DNAJB6: variants seen among roughly 807,000 people sequenced by gnomAD.
The protein encoded by DNAJB6 is DnaJ heat shock protein family (Hsp40) member B6, also known as dnaJ homolog subfamily B member 6.
DNAJB6 carries 16 observed loss-of-function variants against 42.7 expected under a neutral mutation model. The ratio of observed to expected loss-of-function variants is 0.37; its 90% CI spans 0.25 to 0.57. The LOEUF is 0.57. Among genes scored for constraint, DNAJB6 ranks in the 20% least tolerant of loss-of-function variants. The pLI is 0.74. For synonymous variants in DNAJB6, 170 were observed against 163.5 expected (o/e 1.04, Z -0.30); for missense variants, 347 against 416.8 (o/e 0.83, Z 1.46).
intron 8 of DNAJB6, chr7:157,386,254 T>A: frequency 1.0e-6 from 1 of 981,522 alleles, no homozygotes; most frequent in Non-Finnish European, 1.2e-6. Context: ...TCTTTGTCAT[T>A]TGCTTTAAAA....
At chr7:157,386,844 A>G (rs1801087221) in intron 8 of DNAJB6, among the ~76,000 whole-genome samples, 1 of 151,460 alleles carries the variant, frequency 6.6e-6, no homozygotes, top group Admixed American at 6.6e-5. Flanking sequence ...AGATCGTGCC[A>G]TTGCACTCCA....
At chr7:157,404,434 G>GGCGT (rs1795672253) in intron 8 of DNAJB6, among the ~76,000 whole-genome samples, 1 of 149,482 alleles carries the variant, frequency 6.7e-6, no homozygotes, top group South Asian at 2.1e-4. Flanking sequence ...TGGGACTGTA[G>GGCGT]GCGTGCAACA....
intron 1 of DNAJB6, 121 bp from the exon 2 acceptor site, chr7:157,358,426 C>T (rs774893693): frequency 2.2e-4 from 138 of 633,398 alleles, no homozygotes; most frequent in Non-Finnish European, 2.7e-4. Context: ...TGGAAGTTCC[C>T]TCTGTAGGCC....
At chr7:157,379,066 A>G (rs1800619490) in intron 5 of DNAJB6, 1 of 152,246 alleles carries the variant, frequency 6.6e-6, no homozygotes, top group Non-Finnish European at 1.5e-5. Flanking sequence ...AGAAATAAAC[A>G]AGATAAAGAT....
chr7:157,342,177 AT>A lies in DNAJB6; in HGVS notation c.-27+5041del, dbSNP rs1264945084. On this transcript the variant is annotated intron_variant, in intron 1 of 9. Coordinates refer to ENST00000262177, the MANE Select transcript of DNAJB6 (RefSeq NM_058246.4). ...CTGGCCCTATTTTATTATAATAATA[AT>A]TTTTTTTGAGACAGGGTCTCACTCT... is the stretch of plus-strand genomic sequence containing the variant. 2.7e-5 allele frequency among the ~76,000 whole-genome samples: 4 copies of A among 146,176 alleles called. 1 individual carries two copies. Among genetic ancestry groups the A allele is most frequent in the African/African-American group, 1.0e-4 (4 of 39,450 alleles).
chr7:157,340,497 AC>A (rs1211705727), intron 1 of DNAJB6, among the ~76,000 whole-genome samples: 20 of 152,172 alleles, frequency 1.3e-4, no homozygotes, highest in Non-Finnish European at 1.5e-5. Flanking sequence ...AAAAACGACA[AC>A]GCCTACCTGC....
At chr7:157,400,048 G>A (rs1801773766) in intron 8 of DNAJB6, among the ~76,000 whole-genome samples, 1 of 152,218 alleles carries the variant, frequency 6.6e-6, no homozygotes, top group South Asian at 2.1e-4. Context: ...TGGGGAAAGT[G>A]CAGTATTTTG....
At chr7:157,402,150 G>A (rs896416570) in intron 8 of DNAJB6, among the ~76,000 whole-genome samples, 2 of 152,322 alleles carry the variant, frequency 1.3e-5, no homozygotes, top group Admixed American at 6.5e-5. Flanking sequence ...TTATAGAGAT[G>A]GGGTCTCCCT....
intron 8 of DNAJB6, among the ~76,000 whole-genome samples, chr7:157,387,136 C>T (rs149945175): frequency 3.3e-5 from 5 of 152,276 alleles, no homozygotes; most frequent in African/African-American, 2.4e-5. Flanking sequence ...GCTCGGGATA[C>T]GCCAGAGCCC....
chr7:157,368,075 C>T (rs1050863575), intron 5 of DNAJB6, among the ~76,000 whole-genome samples: 3 of 152,102 alleles, frequency 2.0e-5, no homozygotes, highest in Non-Finnish European at 4.4e-5. Context: ...GATTGGGCCA[C>T]TGCACTCCAG....
chr7:157,337,360 G>A (rs1185877934), intron 1 of DNAJB6, among the ~76,000 whole-genome samples: 1 of 151,280 alleles, frequency 6.6e-6, no homozygotes. Flanking sequence ...GCCGGGGCTG[G>A]GGTCTGGGGC....
intron 1 of DNAJB6, among the ~76,000 whole-genome samples, chr7:157,356,160 T>C (rs1218597550): frequency 6.6e-6 from 1 of 152,236 alleles, no homozygotes. Flanking sequence ...AGATTTCTGC[T>C]CTTGTTCTGT....
chr7:157,408,557 C>G (rs536990680), intron 8 of DNAJB6, among the ~76,000 whole-genome samples: 1 of 152,214 alleles, frequency 6.6e-6, no homozygotes, highest in Admixed American at 6.5e-5. Flanking sequence ...GCATCACCAT[C>G]GTGGTCTCCA....
At chr7:157,343,556 C>T (rs942132877) in intron 1 of DNAJB6, among the ~76,000 whole-genome samples, 1 of 152,048 alleles carries the variant, frequency 6.6e-6, no homozygotes, top group Non-Finnish European at 1.5e-5. Context: ...GCAAACTCTC[C>T]CGGGTTCAAG....
At chr7:157,349,047 T>A (rs1798837373) in intron 1 of DNAJB6, among the ~76,000 whole-genome samples, 1 of 152,190 alleles carries the variant, frequency 6.6e-6, no homozygotes. Flanking sequence ...TTTTAAATTT[T>A]TTTTTATTTT....
intron 8 of DNAJB6, among the ~76,000 whole-genome samples, chr7:157,388,733 CCCA>C (rs1312775407): frequency 2.0e-5 from 3 of 151,994 alleles, no homozygotes; most frequent in Non-Finnish European, 4.4e-5. Context: ...GTATGTTGTA[CCCA>C]AAGTGTAGTT....
At chr7:157,374,135 C>G (rs1306704381) in intron 5 of DNAJB6, among the ~76,000 whole-genome samples, 1 of 150,850 alleles carries the variant, frequency 6.6e-6, no homozygotes. Flanking sequence ...AGTGGGCAGT[C>G]CCGCCCGGCA....
chr7:157,379,938 G>C (rs2117063804), intron 5 of DNAJB6: 1 of 151,382 alleles, frequency 6.6e-6, no homozygotes, highest in East Asian at 2.0e-4. Context: ...CAGCCTCCTG[G>C]GTGGCTGAGA....
intron 1 of DNAJB6, among the ~76,000 whole-genome samples, chr7:157,346,429 T>A (rs1023562525): frequency 2.6e-5 from 4 of 152,168 alleles, no homozygotes; most frequent in Non-Finnish European, 5.9e-5. Context: ...TATATCTTGA[T>A]TAGGCAACTT....
Sources: gnomAD v4.1 joint callset for allele counts (sites outside exome capture counted in the v4.1 genomes callset) on GRCh38, gnomAD v4.1.1 for gene constraint, MANE v1.5 for transcripts, NCBI Gene and HGNC (gene_info 2026-07-23, HGNC 2026-07-21) for gene names.